The following TBC1D14 variants were observed in gnomAD, a reference collection of about 807,000 sequenced individuals.
TBC1D14 encodes TBC1 domain family member 14.
In TBC1D14, 26 loss-of-function variants were observed where a neutral mutation model predicts 79.0. That is an observed-to-expected ratio of 0.33 (90% confidence interval 0.24 to 0.46). The LOEUF is 0.46. Among genes scored for constraint, TBC1D14 ranks in the 20% least tolerant of loss-of-function variants. The pLI is 1.00. For synonymous variants in TBC1D14, 394 were observed against 349.9 expected (o/e 1.13, Z -1.40); for missense variants, 769 against 887.6 (o/e 0.87, Z 1.70).
intron 3 of TBC1D14, chr4:6,987,152 G>A: frequency 8.6e-7 from 1 of 1,160,336 alleles, no homozygotes; most frequent in East Asian, 4.0e-5. Flanking sequence ...GGCCTGACGC[G>A]CCGAGCCGGC....
intron 2 of TBC1D14, among the ~76,000 whole-genome samples, chr4:6,936,559 T>C (rs4689564): frequency 0.074 from 11,292 of 152,322 alleles, 575 homozygotes; most frequent in Middle Eastern, 0.16. Flanking sequence ...CTTCCAAGTG[T>C]TGGCAATTAT....
intron 3 of TBC1D14, among the ~76,000 whole-genome samples, chr4:6,993,190 A>G (rs1718680464): frequency 1.3e-5 from 2 of 152,186 alleles, no homozygotes; most frequent in South Asian, 4.1e-4. Context: ...TATCTTCTCA[A>G]TGAGATTATC....
chr4:6,971,980 A>G (rs368565127), intron 3 of TBC1D14, among the ~76,000 whole-genome samples: 6 of 152,330 alleles, frequency 3.9e-5, no homozygotes, highest in African/African-American at 1.4e-4. Context: ...GGGAGCATGT[A>G]TTTGGAGAGA....
intron 2 of TBC1D14, among the ~76,000 whole-genome samples, chr4:6,952,281 C>T (rs188530992): frequency 1.3e-5 from 2 of 152,346 alleles, no homozygotes; most frequent in East Asian, 3.9e-4. Context: ...CTGGGTGGGA[C>T]TCAAGAAATT....
chr4:6,941,320 G>T lies in TBC1D14; in HGVS notation c.722+17209G>T, dbSNP rs185159632. On this transcript the variant is annotated intron_variant, in intron 2 of 13. Coordinates refer to ENST00000409757, the MANE Select transcript of TBC1D14 (RefSeq NM_020773.3). The stretch of plus-strand genomic sequence containing the variant: ...CCTGCCTCAGCCTCCCGGGTAGCTG[G>T]GACTACAGGCGTCCGCCACCACGCC... Among the ~76,000 whole-genome samples the T allele has an allele frequency of 3.1e-3, 478 of 151,932 alleles. 2 individuals carry two copies. Among genetic ancestry groups the T allele is most frequent in the African/African-American group, 0.01 (431 of 41,422 alleles).
intron 2 of TBC1D14, among the ~76,000 whole-genome samples, chr4:6,952,101 G>A (rs1352934184): frequency 1.3e-5 from 2 of 152,186 alleles, no homozygotes; most frequent in Non-Finnish European, 2.9e-5. Context: ...AACTCCCTGG[G>A]TAGTGGGAAC....
intron 13 of TBC1D14, among the ~76,000 whole-genome samples, chr4:7,026,326 G>A (rs543746555): frequency 6.6e-6 from 1 of 152,236 alleles, no homozygotes; most frequent in South Asian, 2.1e-4. Flanking sequence ...CCCAGGCACC[G>A]TGTCACCTGT....
At chr4:6,999,267 G>A (rs1366548826) in intron 6 of TBC1D14, 65 bp downstream of exon 6, 2 of 1,422,746 alleles carry the variant, frequency 1.4e-6, no homozygotes, top group East Asian at 2.3e-5. Context: ...GTGGGCCACA[G>A]CTGTAGTCGT....
At position 6,923,426 on chromosome 4, in the gene TBC1D14, G is replaced by A. The variant is rs374685226; in HGVS notation, c.37G>A (p.Val13Ile). ...DGKLSTSTNGVAFMGILDGRP... is the reference protein window; with the variant it reads ...DGKLSTSTNGIAFMGILDGRP... ...AAAACTCTCCACCTCTACAAATGGC[G>A]TAGCCTTCATGGGTATTCTGGATGG... The change falls in exon 2 of 14, where the codon GTA (valine) becomes ATA (isoleucine). Residue 13 changes from valine (V) to isoleucine (I), a missense_variant. Val to Ile is a conservative substitution (Grantham distance 29). Coordinates refer to ENST00000409757, the MANE Select transcript of TBC1D14 (RefSeq NM_020773.3). The A allele has an allele frequency of 3.3e-5, 54 of 1,613,714 alleles. No individual in the cohort carries two copies. Among genetic ancestry groups the A allele is most frequent in the Middle Eastern group, 1.6e-4 (1 of 6,084 alleles).
intron 2 of TBC1D14, among the ~76,000 whole-genome samples, chr4:6,950,133 C>G (rs1713893981): frequency 6.6e-6 from 1 of 152,174 alleles, no homozygotes; most frequent in Admixed American, 6.5e-5. Flanking sequence ...CATTGTTCAA[C>G]TCCCCCTTAT....
intron 2 of TBC1D14, among the ~76,000 whole-genome samples, chr4:6,945,759 A>C (rs1382350112): frequency 2.3e-4 from 2 of 8,690 alleles, no homozygotes; most frequent in African/African-American, 3.4e-4. Context: ...CAAAAAAAAA[A>C]AAAAAAAAAA....
intron 2 of TBC1D14, among the ~76,000 whole-genome samples, chr4:6,956,735 G>A (rs1424632519): frequency 6.6e-6 from 1 of 152,244 alleles, no homozygotes; most frequent in Non-Finnish European, 1.5e-5. Flanking sequence ...CAGGTGATAC[G>A]AGGTTACCTC....
Position 7,030,518 on chromosome 4 carries a change from G to C in TBC1D14, c.*126G>C. On this transcript the variant is annotated 3_prime_UTR_variant, in exon 14 of 14. Transcript: ENST00000409757. ...TCTTTAAGTTTGATTCCTAACACTG[G>C]AGTTGGCCTTAAACAAAACAAACAC... 2.1e-6 allele frequency: 2 copies of C among 950,548 alleles called. No individual in the cohort carries two copies. The highest frequency in any genetic ancestry group is 2.9e-5 in the South Asian group (2 of 69,686). 58.9% of individuals were successfully genotyped at this position (950,548 alleles called of 1,614,324 possible). A position where few individuals can be genotyped will look rare whatever the true frequency, so the allele number is the denominator to read the frequency against.
intron 2 of TBC1D14, among the ~76,000 whole-genome samples, chr4:6,957,167 A>C (rs1424381182): frequency 1.3e-5 from 2 of 151,820 alleles, no homozygotes; most frequent in Non-Finnish European, 2.9e-5. Flanking sequence ...GGGAAACTAG[A>C]CTCCATGGGT....
At chr4:7,009,215 T>G (rs1369116749) in intron 9 of TBC1D14, among the ~76,000 whole-genome samples, 1 of 152,232 alleles carries the variant, frequency 6.6e-6, no homozygotes, top group East Asian at 1.9e-4. Context: ...CCTTTTGTTG[T>G]ATCTTCTCAC....
At chr4:6,958,376 T>TATAC (rs538972596) in intron 2 of TBC1D14, among the ~76,000 whole-genome samples, 6 of 149,112 alleles carry the variant, frequency 4.0e-5, no homozygotes, top group South Asian at 2.1e-4. Flanking sequence ...TCCCCACATA[T>TATAC]ACACACACAC....
At chr4:6,947,006 G>A (rs142297116) in intron 2 of TBC1D14, among the ~76,000 whole-genome samples, 144 of 152,166 alleles carry the variant, frequency 9.5e-4, no homozygotes, top group African/African-American at 3.2e-3. Context: ...ATTTTTCTTA[G>A]TACTGTTTTG....
In TBC1D14 at chr4:6,917,304, G is replaced by T. The variant is rs76477765; in HGVS notation, c.-17-6069G>T. Among the ~76,000 whole-genome samples the T allele has an allele frequency of 5.7e-3, 875 of 152,332 alleles. 12 individuals are homozygous for T. Among genetic ancestry groups the T allele is most frequent in the African/African-American group, 0.02 (846 of 41,582 alleles). Reference sequence around the variant, plus strand: ...GCATTTAACCAGAGAATAGTTCCCAGAAATGATGAGAGCTGTGTCTGCCTG... The same window carrying T: ...GCATTTAACCAGAGAATAGTTCCCATAAATGATGAGAGCTGTGTCTGCCTG... On this transcript the variant is annotated intron_variant, in intron 1 of 13. Transcript: ENST00000409757.
At chr4:6,953,916 GT>G (rs909219089) in intron 2 of TBC1D14, among the ~76,000 whole-genome samples, 39 of 152,042 alleles carry the variant, frequency 2.6e-4, no homozygotes, top group African/African-American at 7.7e-4. Flanking sequence ...GGTGGGTTTT[GT>G]GACAGGTAGC....
Sources: gnomAD v4.1 joint callset for allele counts (sites outside exome capture counted in the v4.1 genomes callset) on GRCh38, gnomAD v4.1.1 for gene constraint, MANE v1.5 for transcripts, NCBI Gene and HGNC (gene_info 2026-07-23, HGNC 2026-07-21) for gene names.